The following FHOD3 variants were observed in gnomAD, a reference collection of about 807,000 sequenced individuals.
The protein encoded by FHOD3 is formin homology 2 domain containing 3.
A neutral mutation model predicts 173.0 loss-of-function variants in FHOD3; 90 were observed. That is an observed-to-expected ratio of 0.52 (90% CI 0.44 to 0.62). The LOEUF (loss-of-function observed/expected upper bound fraction) is 0.62. Ranked by LOEUF, FHOD3 falls within the 20% of genes least tolerant of loss-of-function variation. The pLI, the probability that FHOD3 is intolerant of heterozygous loss-of-function variation, is 0.00. For synonymous variants in FHOD3, 828 were observed against 823.0 expected (o/e 1.01, Z -0.10); for missense variants, 1,945 against 2,034.7 (o/e 0.96, Z 0.85).
chr18:36,453,556 A>G (rs1479104848), intron 3 of FHOD3, among the ~76,000 whole-genome samples: 1 of 152,254 alleles, frequency 6.6e-6, no homozygotes, highest in Non-Finnish European at 1.5e-5. Context: ...TTTTGCTTTC[A>G]TGGAGCAGTT....
At chr18:36,581,045 C>A (rs778305934) in intron 6 of FHOD3, among the ~76,000 whole-genome samples, 1 of 152,164 alleles carries the variant, frequency 6.6e-6, no homozygotes, top group Non-Finnish European at 1.5e-5. Context: ...GCCAGAGGCT[C>A]ATTATGCAAT....
At chr18:36,402,138 G>A (rs1454242593) in intron 3 of FHOD3, among the ~76,000 whole-genome samples, 2 of 152,168 alleles carry the variant, frequency 1.3e-5, no homozygotes, top group East Asian at 3.9e-4. Flanking sequence ...TTTGGGGCGG[G>A]CAAGGTGCGA....
chr18:36,735,224 G>A (rs1334653270), intron 20 of FHOD3, among the ~76,000 whole-genome samples: 1 of 152,072 alleles, frequency 6.6e-6, no homozygotes, highest in Non-Finnish European at 1.5e-5. Context: ...GTTTTCTTTG[G>A]CCACAGATAA....
At chr18:36,428,712 C>T (rs971267175) in intron 3 of FHOD3, among the ~76,000 whole-genome samples, 10 of 152,308 alleles carry the variant, frequency 6.6e-5, no homozygotes, top group Admixed American at 6.5e-4. Context: ...GAATTTATTG[C>T]TCTTTGAACA....
At chr18:36,762,256 G>C (rs984077742) in intron 27 of FHOD3, among the ~76,000 whole-genome samples, 3 of 152,142 alleles carry the variant, frequency 2.0e-5, no homozygotes, top group African/African-American at 7.2e-5. Context: ...ACCACACCAC[G>C]CATGTGGCTG....
chr18:36,358,663 T>G (rs2046471718), intron 2 of FHOD3, among the ~76,000 whole-genome samples: 1 of 152,202 alleles, frequency 6.6e-6, no homozygotes, highest in African/African-American at 2.4e-5. Flanking sequence ...TTTAAAATTT[T>G]TTTTAGAAAA....
chr18:36,760,678 C>T lies in FHOD3; in HGVS notation c.4520C>T (p.Ala1507Val), dbSNP rs141169952. The change falls in exon 27 of 29, where the codon GCG (alanine) becomes GTG (valine). Residue 1507 changes from alanine to valine, a missense_variant. Physicochemically the swap from Ala to Val is moderately conservative, Grantham distance 64. Around this residue, in one of 5 missense-constraint regions of FHOD3, gnomAD observed 354 missense variants for 359.9 expected, o/e 0.98. Transcript: ENST00000590592. ...QPQGLSYAED[A>V]AEHENMKAVL... ...CAGGGTCTGAGCTATGCGGAGGACG[C>T]GGCTGAGCACGAGAACATGAAGGCT... 3 of 1,613,288 alleles carry T rather than the reference C, an allele frequency of 1.9e-6. No homozygotes were observed. The highest frequency in any genetic ancestry group is 2.7e-5 in the African/African-American group (2 of 75,064).
intron 5 of FHOD3, among the ~76,000 whole-genome samples, chr18:36,543,554 G>A (rs932430514): frequency 2.0e-5 from 3 of 152,096 alleles, no homozygotes; most frequent in African/African-American, 7.2e-5. Context: ...GTCCACCTAC[G>A]ATGAACAAAA....
chr18:36,600,431 G>C (rs1012182007), intron 7 of FHOD3, among the ~76,000 whole-genome samples: 2 of 152,116 alleles, frequency 1.3e-5, no homozygotes, highest in African/African-American at 2.4e-5. Context: ...GCCTGCCAAG[G>C]CTATTTTTGT....
At chr18:36,533,305 G>A (rs1217384240) in intron 5 of FHOD3, among the ~76,000 whole-genome samples, 1 of 152,252 alleles carries the variant, frequency 6.6e-6, no homozygotes, top group Non-Finnish European at 1.5e-5. Flanking sequence ...ATCGCGGCTT[G>A]TAGTGAGGGC....
intron 3 of FHOD3, among the ~76,000 whole-genome samples, chr18:36,490,697 G>T (rs77412910): frequency 0.013 from 1,988 of 152,162 alleles, 46 homozygotes; most frequent in African/African-American, 0.045. Context: ...CATCATCTCC[G>T]CCAACTGTAA....
intron 3 of FHOD3, among the ~76,000 whole-genome samples, chr18:36,485,292 C>T (rs1216221055): frequency 6.6e-6 from 1 of 152,208 alleles, no homozygotes; most frequent in Non-Finnish European, 1.5e-5. Context: ...ATGCTCTTTT[C>T]CTTGTCTTCT....
At position 36,773,077 on chromosome 18, in the gene FHOD3, G is replaced by T. The variant is rs144105828; in HGVS notation, c.4786+3651G>T. On this transcript the variant is annotated intron_variant, in intron 28 of 28. Transcript: ENST00000590592. ...CTCTCTCCAGAGCAGGGCCAGGCTG[G>T]AGGCCAGGACACTGATATGCTAAGT... is the stretch of plus-strand genomic sequence containing the variant. 2.1e-3 allele frequency among the ~76,000 whole-genome samples: 315 copies of T among 152,374 alleles called. 1 individual carries two copies. The highest frequency in any genetic ancestry group is 7.2e-3 in the African/African-American group (301 of 41,592).
At chr18:36,393,114 G>A (rs1012205170) in intron 3 of FHOD3, among the ~76,000 whole-genome samples, 1 of 152,246 alleles carries the variant, frequency 6.6e-6, no homozygotes, top group Non-Finnish European at 1.5e-5. Flanking sequence ...AGTTTGTGAT[G>A]TGGTCATTCC....
At chr18:36,626,985 C>G (rs1253877365) in intron 10 of FHOD3, among the ~76,000 whole-genome samples, 1 of 152,210 alleles carries the variant, frequency 6.6e-6, no homozygotes, top group Admixed American at 6.5e-5. Context: ...TGACACCCCT[C>G]TTCTACCTCA....
At chr18:36,530,272 T>C (rs909812667) in intron 5 of FHOD3, among the ~76,000 whole-genome samples, 8 of 152,204 alleles carry the variant, frequency 5.3e-5, no homozygotes, top group African/African-American at 1.9e-4. Flanking sequence ...TGACCACTGC[T>C]TAAACAATTA....
intron 5 of FHOD3, among the ~76,000 whole-genome samples, chr18:36,541,195 G>T (rs1459448320): frequency 1.4e-5 from 2 of 141,218 alleles, no homozygotes; most frequent in Non-Finnish European, 3.0e-5. Flanking sequence ...AGGTTGCAGT[G>T]AGCCAAGATC....
chr18:36,469,896 C>G (rs2053176907), intron 3 of FHOD3, among the ~76,000 whole-genome samples: 1 of 152,202 alleles, frequency 6.6e-6, no homozygotes, highest in Admixed American at 6.5e-5. Context: ...TTCCACAAAT[C>G]AAGCCACGTT....
In FHOD3 at chr18:36,718,053, C is replaced by G; in HGVS notation, c.2755C>G (p.Gln919Glu). The G allele has an allele frequency of 1.2e-6, 2 of 1,601,230 alleles. No homozygotes were observed. The highest frequency in any genetic ancestry group is 1.7e-6 in the Non-Finnish European group (2 of 1,173,270). The change falls in exon 19 of 29, where the codon CAG becomes GAG. Residue 919 changes from glutamine (Q) to glutamate (E), a missense_variant. Gln to Glu is a conservative substitution (Grantham distance 29). Coordinates refer to ENST00000590592, the MANE Select transcript of FHOD3 (RefSeq NM_001281740.3). Reference sequence around the variant, plus strand: ...CACCCTGCAGGCCAACTCTCAGACCCAGGATGAGAGTGTCAGGAGGGTGGA... The same window carrying G: ...CACCCTGCAGGCCAACTCTCAGACCGAGGATGAGAGTGTCAGGAGGGTGGA... Reference protein sequence around the residue: ...ISTLQANSQTQDESVRRVDVG... With the variant: ...ISTLQANSQTEDESVRRVDVG...
Sources: allele counts gnomAD v4.1 joint callset (sites outside exome capture counted in the v4.1 genomes callset), GRCh38; gene constraint gnomAD v4.1.1; regional missense constraint gnomAD v4.1.1; transcripts MANE v1.5; gene names NCBI Gene and HGNC (gene_info 2026-07-23, HGNC 2026-07-21).